Variants in SEC11A observed in about 807,000 individuals in gnomAD.
The protein encoded by SEC11A is SEC11 homolog A, signal peptidase complex subunit.
SEC11A carries 14 observed loss-of-function variants against 25.6 expected under a neutral mutation model. The observed-to-expected ratio is 0.55, with a 90% CI of 0.36 to 0.85. The LOEUF (loss-of-function observed/expected upper bound fraction) is 0.85, where lower values mean the gene tolerates loss of function less well. Among genes scored for constraint, SEC11A ranks in the 40% least tolerant of loss-of-function variants. The pLI is 0.01. For missense variants in SEC11A, 153 were observed against 222.9 expected, an observed-to-expected ratio of 0.69 and a Z score of 2.00; for synonymous variants, 83 against 76.4, an observed-to-expected ratio of 1.09 and a Z score of -0.45.
chr15:84,691,709 C>G lies in SEC11A; in HGVS notation c.52-65G>C. ...CCCCACTTCGGAAAGCAACTGAAAGCAGTAACAATTTGAAAGTTTCAAGCA... is the reference window on the plus strand; with the variant it reads ...CCCCACTTCGGAAAGCAACTGAAAGGAGTAACAATTTGAAAGTTTCAAGCA... On this transcript the variant is annotated intron_variant, in intron 1 of 5. Transcript: ENST00000268220. The G allele has an allele frequency of 5.5e-6, 5 of 903,860 alleles. No individual in the cohort carries two copies. In the South Asian group the frequency reaches 7.1e-5, roughly 13 times the overall value. 56.0% of individuals were successfully genotyped at this position (903,860 alleles called of 1,614,324 possible).
At position 84,669,821 on chromosome 15, in the gene SEC11A, C is replaced by G; in HGVS notation, c.*198G>C. ...ATTATGAAATCCTGTGACTGAAAGT[C>G]CCCTCGAGTGCACTCTGTGGTGCAC... On this transcript the variant is annotated 3_prime_UTR_variant, in exon 6 of 6. Coordinates refer to ENST00000268220, the MANE Select transcript of SEC11A (RefSeq NM_014300.4). The G allele has an allele frequency of 4.2e-6, 3 of 719,586 alleles. No individual in the cohort carries two copies. Among genetic ancestry groups the G allele is most frequent in the Non-Finnish European group, 6.3e-6 (3 of 476,486 alleles). The allele number at this position is 719,586 out of a possible 1,614,324, so 44.6% of individuals were successfully genotyped here. A position where few individuals can be genotyped will look rare whatever the true frequency, so the allele number is the denominator to read the frequency against.
intron 1 of SEC11A, among the ~76,000 whole-genome samples, chr15:84,699,298 G>C (rs8029660): frequency 1.4e-5 from 2 of 138,458 alleles, no homozygotes; most frequent in East Asian, 4.2e-4. Context: ...CTGGGCAACA[G>C]AGCAAGACTC....
intron 2 of SEC11A, among the ~76,000 whole-genome samples, chr15:84,690,872 C>CA (rs1051196801): frequency 3.0e-4 from 46 of 152,086 alleles, no homozygotes; most frequent in African/African-American, 8.7e-4. Context: ...AATGAACTAA[C>CA]AACTAAATAT....
rs1389394489 is a variant in SEC11A at position 84,689,270 on chromosome 15, T to C, written c.162-1496A>G. On this transcript the variant is annotated intron_variant, in intron 2 of 5. Coordinates refer to ENST00000268220, the MANE Select transcript of SEC11A (RefSeq NM_014300.4). ...GTTAAATGTTCTTATCACAAAAAAA[T>C]AGAAAGGGAAGAAACTTTTGAAAGT... Among the ~76,000 whole-genome samples the C allele has an allele frequency of 3.9e-5, 6 of 151,958 alleles. No homozygotes were observed. In the East Asian group the frequency reaches 7.7e-4, roughly 20 times the overall value.
chr15:84,713,668 T>C (rs968819637), intron 1 of SEC11A, among the ~76,000 whole-genome samples: 1 of 152,214 alleles, frequency 6.6e-6, no homozygotes, highest in Non-Finnish European at 1.5e-5. Context: ...AGCCTATTCA[T>C]TGTATCTTCA....
intron 1 of SEC11A, chr15:84,714,781 T>C (rs1898404644): frequency 6.6e-6 from 1 of 152,232 alleles, no homozygotes; most frequent in Admixed American, 6.5e-5. Flanking sequence ...AAAAAAGTTA[T>C]TGTTTTGCCT....
At chr15:84,672,744 G>A (rs1237524344) in intron 4 of SEC11A, 201 of 186,436 alleles carry the variant, frequency 1.1e-3, no homozygotes, top group African/African-American at 4.4e-3. Flanking sequence ...GATGTGAGGA[G>A]CCCCTCTGCC....
At chr15:84,709,401 ATTC>A (rs1898194464) in intron 1 of SEC11A, among the ~76,000 whole-genome samples, 1 of 152,180 alleles carries the variant, frequency 6.6e-6, no homozygotes, top group Admixed American at 6.6e-5. Context: ...TAGTGTTAAT[ATTC>A]TTATGTTAAG....
chr15:84,670,705 C>T lies in SEC11A; in HGVS notation c.489+20G>A. ...CAAAAGATTACATTTTTTAATAAAA[C>T]AAATAATACAGACTCTTACCTTAAA... On this transcript the variant is annotated intron_variant, in intron 5 of 5. Coordinates refer to ENST00000268220, the MANE Select transcript of SEC11A (RefSeq NM_014300.4). 8.0e-7 allele frequency: 1 copy of T among 1,244,440 alleles called. No individual in the cohort carries two copies. The highest frequency in any genetic ancestry group is 1.9e-4 in the Middle Eastern group (1 of 5,324). The allele number at this position is 1,244,440 out of a possible 1,614,324, so 77.1% of individuals were successfully genotyped here. A position where few individuals can be genotyped will look rare whatever the true frequency, so the allele number is the denominator to read the frequency against.
At chr15:84,712,918 A>G (rs1021856192) in intron 1 of SEC11A, among the ~76,000 whole-genome samples, 3 of 152,090 alleles carry the variant, frequency 2.0e-5, no homozygotes, top group Admixed American at 6.6e-5. Flanking sequence ...ATAAAAACTT[A>G]TCGGCCGGCC....
intron 4 of SEC11A, chr15:84,679,076 G>A (rs1897217429): frequency 7.8e-6 from 2 of 255,564 alleles, no homozygotes; most frequent in East Asian, 8.6e-5. Context: ...AAAGTTAATA[G>A]TAAATATTTA....
chr15:84,700,593 C>CAAAAAAAAAAAAA (rs776113920), intron 1 of SEC11A, among the ~76,000 whole-genome samples: 5 of 36,102 alleles, frequency 1.4e-4, no homozygotes, highest in Non-Finnish European at 1.7e-4. Context: ...GACTCTGTCT[C>CAAAAAAAAAAAAA]AAAAAAAAAA....
At chr15:84,715,546 C>G (rs931537735) in intron 1 of SEC11A, among the ~76,000 whole-genome samples, 2 of 152,162 alleles carry the variant, frequency 1.3e-5, no homozygotes, top group Admixed American at 6.5e-5. Context: ...CGCTACGGTT[C>G]AGCTCTACTA....
At chr15:84,685,685 T>C (rs995981930) in intron 3 of SEC11A, among the ~76,000 whole-genome samples, 2 of 152,120 alleles carry the variant, frequency 1.3e-5, no homozygotes, top group African/African-American at 2.4e-5. Flanking sequence ...GGAAAGTTGG[T>C]TCAGCTTTGT....
At chr15:84,706,563 G>T (rs1898099816) in intron 1 of SEC11A, among the ~76,000 whole-genome samples, 1 of 152,162 alleles carries the variant, frequency 6.6e-6, no homozygotes, top group African/African-American at 2.4e-5. Context: ...AAGAAATTAT[G>T]ACCAATTTAG....
intron 4 of SEC11A, among the ~76,000 whole-genome samples, chr15:84,674,842 G>C (rs1460245311): frequency 6.6e-6 from 1 of 152,160 alleles, no homozygotes; most frequent in Non-Finnish European, 1.5e-5. Context: ...TTACAAGCGT[G>C]AGCCACCACA....
intron 2 of SEC11A, 116 bp downstream of exon 2, chr15:84,691,419 G>T: frequency 1.6e-6 from 1 of 620,622 alleles, no homozygotes; most frequent in Non-Finnish European, 2.8e-6. Context: ...TTTCTTCCAG[G>T]CCCTTTTCTG....
chr15:84,684,431 T>C (rs181718166), intron 3 of SEC11A, among the ~76,000 whole-genome samples: 59 of 152,264 alleles, frequency 3.9e-4, no homozygotes, highest in Middle Eastern at 3.4e-3. Flanking sequence ...GATTTGCTTC[T>C]TCTTTGCCTT....
intron 1 of SEC11A, among the ~76,000 whole-genome samples, chr15:84,705,552 G>A (rs1248652043): frequency 6.6e-6 from 1 of 152,012 alleles, no homozygotes; most frequent in African/African-American, 2.4e-5. Context: ...TAATGATCTG[G>A]TAGCGAAATT....
Sources: gnomAD v4.1 joint callset for allele counts (sites outside exome capture counted in the v4.1 genomes callset) on GRCh38, gnomAD v4.1.1 for gene constraint, MANE v1.5 for transcripts, NCBI Gene and HGNC (gene_info 2026-07-23, HGNC 2026-07-21) for gene names.